Variants in KANSL1L observed in about 807,000 individuals in gnomAD.
KANSL1L encodes the protein KAT8 regulatory NSL complex subunit 1 like, also known as KAT8 regulatory NSL complex subunit 1-like protein.
Under a neutral mutation model 108.6 loss-of-function variants are expected in KANSL1L, and 25 were observed. The observed-to-expected ratio is 0.23, with a 90% CI of 0.17 to 0.32. The LOEUF (loss-of-function observed/expected upper bound fraction) is 0.32, where lower values mean the gene tolerates loss of function less well. Among genes scored for constraint, KANSL1L ranks in the 10% least tolerant of loss-of-function variants. KANSL1L has a pLI of 1.00. For missense variants in KANSL1L, 1,137 were observed against 1,125.7 expected (o/e 1.01, Z -0.14); for synonymous variants, 405 against 395.1 (o/e 1.03, Z -0.30).
chr2:210,138,167 C>G (rs937032286), intron 2 of KANSL1L, among the ~76,000 whole-genome samples: 1 of 151,508 alleles, frequency 6.6e-6, no homozygotes, highest in Non-Finnish European at 1.5e-5. Flanking sequence ...TTTTTTTTTA[C>G]AACTATGAAA....
chr2:210,079,704 A>ATATATATATATGTATGTGTG (rs1559540015), intron 5 of KANSL1L: 2 of 86,484 alleles, frequency 2.3e-5, no homozygotes, highest in Non-Finnish European at 4.4e-5. Flanking sequence ...ATGTGTGTAT[A>ATATATATATATGTATGTGTG]TATATATATA....
intron 5 of KANSL1L, among the ~76,000 whole-genome samples, chr2:210,095,607 G>GAATCTTTAC (rs2094728673): frequency 6.6e-6 from 1 of 151,994 alleles, no homozygotes; most frequent in Non-Finnish European, 1.5e-5. Context: ...ACAAATTGTG[G>GAATCTTTAC]AATCTTTACA....
In KANSL1L at chr2:210,097,686, T is replaced by C. The variant is rs979671246; in HGVS notation, c.1550+400A>G. 1.2e-4 allele frequency among the ~76,000 whole-genome samples: 18 copies of C among 152,210 alleles called. 1 individual carries two copies. The highest frequency in any genetic ancestry group is 5.9e-5 in the Non-Finnish European group (4 of 68,024). Reference sequence around the variant, plus strand: ...AACTTAAGCTGAATCTAATGGGTGATAGCTACCAATGTTCTGTGCCTAAAC... The same window carrying C: ...AACTTAAGCTGAATCTAATGGGTGACAGCTACCAATGTTCTGTGCCTAAAC... On this transcript the variant is annotated intron_variant, in intron 5 of 14. Coordinates refer to ENST00000281772, the MANE Select transcript of KANSL1L (RefSeq NM_152519.4).
At position 210,064,804 on chromosome 2, in the gene KANSL1L, A is replaced by G. The variant is rs374941535; in HGVS notation, c.1755+10748T>C. Among the ~76,000 whole-genome samples, 44 of 140,840 alleles carry G rather than the reference A, an allele frequency of 3.1e-4. No homozygotes were observed. In the East Asian group the frequency reaches 7.8e-3, roughly 25 times the overall value. The allele number at this position is 140,840 out of a possible 152,430, so 92.4% of individuals were successfully genotyped here. A position where few individuals can be genotyped will look rare whatever the true frequency, so the allele number is the denominator to read the frequency against. ...AGGCTGGGTGACACAGTGTGACCTC[A>G]TCCCTCCCCCACCAAAAAAAAAAAA... On this transcript the variant is annotated intron_variant, in intron 6 of 14. Transcript: ENST00000281772.
rs1236829191 is a variant in KANSL1L, at chr2:210,171,207, G to C, written c.-88C>G. On this transcript the variant is annotated 5_prime_UTR_variant, in exon 1 of 15. Coordinates refer to ENST00000281772, the MANE Select transcript of KANSL1L (RefSeq NM_152519.4). ...CACCTTCGGTCCGGCCGTGGTGGGG[G>C]CTGCTGAGGTGATCTCTAGCTGCCC... 6.4e-6 allele frequency: 1 copy of C among 155,406 alleles called. No individual in the cohort carries two copies. The highest frequency in any genetic ancestry group is 1.4e-5 in the Non-Finnish European group (1 of 69,956). The allele number at this position is 155,406 out of a possible 1,614,324, so 9.6% of individuals were successfully genotyped here. A position where few individuals can be genotyped will look rare whatever the true frequency, so the allele number is the denominator to read the frequency against.
intron 8 of KANSL1L, chr2:210,032,176 G>C (rs865952793): frequency 1.3e-5 from 2 of 152,306 alleles, no homozygotes; most frequent in Middle Eastern, 3.4e-3. Flanking sequence ...TGGAGATGTG[G>C]AAAGGAGTGG....
intron 6 of KANSL1L, among the ~76,000 whole-genome samples, chr2:210,067,716 C>CAAAAAAAAAAAAAAAAAAA (rs569072484): frequency 1.1e-5 from 1 of 92,948 alleles, no homozygotes; most frequent in African/African-American, 4.6e-5. Context: ...ACCCTGTCTC[C>CAAAAAAAAAAAAAAAAAAA]AAAAAAAAAA....
chr2:210,144,422 C>A (rs1322168706), intron 2 of KANSL1L, among the ~76,000 whole-genome samples: 1 of 152,192 alleles, frequency 6.6e-6, no homozygotes, highest in Admixed American at 6.5e-5. Flanking sequence ...CTCTCTTCTA[C>A]TTCCTTAATT....
intron 4 of KANSL1L, among the ~76,000 whole-genome samples, chr2:210,103,467 A>T (rs1245797910): frequency 6.6e-6 from 1 of 152,166 alleles, no homozygotes; most frequent in African/African-American, 2.4e-5. Flanking sequence ...CTTAAAGTAT[A>T]ATAATAATAA....
intron 6 of KANSL1L, among the ~76,000 whole-genome samples, chr2:210,059,583 A>C (rs2094397396): frequency 6.6e-6 from 1 of 152,166 alleles, no homozygotes; most frequent in African/African-American, 2.4e-5. Context: ...TCTCACAGGA[A>C]TATGTTATAC....
chr2:210,106,096 A>AT lies in KANSL1L; in HGVS notation c.1231-1796dup, dbSNP rs1325656258. On this transcript the variant is annotated intron_variant, in intron 3 of 14. Transcript: ENST00000281772. ...GTGTTCTCCCAAGAAAAATATTTCA[A>AT]TTTTTTTCTGAAGGTGAGAAGAATC... 5.3e-5 allele frequency among the ~76,000 whole-genome samples: 8 copies of AT among 152,130 alleles called. No homozygotes were observed. The South Asian group carries it at 1.4e-3, about 28-fold the overall frequency.
intron 6 of KANSL1L, among the ~76,000 whole-genome samples, chr2:210,063,267 G>A (rs1443041780): frequency 1.3e-5 from 2 of 152,220 alleles, no homozygotes; most frequent in African/African-American, 4.8e-5. Flanking sequence ...GTATGGAAAC[G>A]CCTGGATGTC....
chr2:210,065,612 G>A (rs1446431373), intron 6 of KANSL1L, among the ~76,000 whole-genome samples: 1 of 114,718 alleles, frequency 8.7e-6, no homozygotes, highest in Non-Finnish European at 1.7e-5. Flanking sequence ...TTGATACAGA[G>A]TTTTGCTCTG....
chr2:210,064,152 G>A (rs1325049299), intron 6 of KANSL1L: 3 of 152,188 alleles, frequency 2.0e-5, no homozygotes, highest in African/African-American at 7.2e-5. Flanking sequence ...GTTAAGACAT[G>A]ACTTGCTCCT....
intron 10 of KANSL1L, 93 bp downstream of exon 10, chr2:210,029,710 G>C: frequency 1.6e-6 from 1 of 611,932 alleles, no homozygotes; most frequent in Non-Finnish European, 2.9e-6. Context: ...TGCTAGTAAG[G>C]CTGTTATAGA....
rs1273220048 is a variant in KANSL1L, at chr2:210,118,472, C to CAA, written c.1230+10557_1230+10558dup. Among the ~76,000 whole-genome samples, 111 of 42,184 alleles carry CAA rather than the reference C, an allele frequency of 2.6e-3. 1 individual carries two copies. The highest frequency in any genetic ancestry group is 6.6e-3 in the African/African-American group (87 of 13,138). The allele number at this position is 42,184 out of a possible 152,430, so 27.7% of individuals were successfully genotyped here. On this transcript the variant is annotated intron_variant, in intron 3 of 14. Transcript: ENST00000281772. Reference sequence around the variant, plus strand: ...CAACAAGAAACTCCATACTCCAACTCAAAAAAAAAAAAAAAAAACAGAAGA... The same window carrying CAA: ...CAACAAGAAACTCCATACTCCAACTCAAAAAAAAAAAAAAAAAAAACAGAAGA...
chr2:210,106,281 CCAGTCTGTATAGATTAGTCTGATAT>C (rs1193691353), intron 3 of KANSL1L, among the ~76,000 whole-genome samples: 3 of 152,006 alleles, frequency 2.0e-5, no homozygotes, highest in Non-Finnish European at 4.4e-5. Context: ...ATAGTATGGG[CCAGTCTGTATAGATTAGTCTGATAT>C]CAGTCTGTAT....
At position 210,075,632 on chromosome 2, in the gene KANSL1L, A is replaced by C. The variant is rs2125326104; in HGVS notation, c.1675T>G (p.Ser559Ala). The C allele has an allele frequency of 6.2e-7, 1 of 1,613,986 alleles. No individual in the cohort carries two copies. Among genetic ancestry groups the C allele is most frequent in the East Asian group, 2.2e-5 (1 of 44,866 alleles). Residue 559 changes from serine (S) to alanine (A), a missense_variant, in exon 6 of 15, where the codon TCA becomes GCA. Coordinates refer to ENST00000281772, the MANE Select transcript of KANSL1L (RefSeq NM_152519.4). ...KSSSLTFMST[S>A]ARTRPLQSFH... ...CTCTGAAGTGGCCTTGTTCGGGCTG[A>C]TGTACTCATGAAAGTCAAGGATGAA...
chr2:210,050,594 C>T (rs1015967553), intron 6 of KANSL1L, among the ~76,000 whole-genome samples: 7 of 151,492 alleles, frequency 4.6e-5, no homozygotes, highest in African/African-American at 7.3e-5. Context: ...GTGGTTCACA[C>T]CTATAATCCC....
Sources: gnomAD v4.1 joint callset for allele counts (sites outside exome capture counted in the v4.1 genomes callset) on GRCh38, gnomAD v4.1.1 for gene constraint, MANE v1.5 for transcripts, NCBI Gene and HGNC (gene_info 2026-07-23, HGNC 2026-07-21) for gene names.